The following PITPNM2 variants were observed in gnomAD, a reference collection of about 807,000 sequenced individuals.
The protein encoded by PITPNM2 is phosphatidylinositol transfer protein membrane associated 2.
PITPNM2 carries 35 observed loss-of-function variants against 132.2 expected under a neutral mutation model. The ratio of observed to expected loss-of-function variants is 0.26; its 90% confidence interval spans 0.20 to 0.35. The LOEUF (loss-of-function observed/expected upper bound fraction) is 0.35. Ranked by LOEUF, PITPNM2 falls within the 10% of genes least tolerant of loss-of-function variation. The pLI, the probability that PITPNM2 is intolerant of heterozygous loss-of-function variation, is 1.00. For synonymous variants in PITPNM2, 738 were observed against 799.2 expected (o/e 0.92, Z 1.29); for missense variants, 1,332 against 1,912.0 (o/e 0.70, Z 5.66).
At chr12:123,013,403 C>T (rs1484506913) in intron 4 of PITPNM2, among the ~76,000 whole-genome samples, 1 of 152,216 alleles carries the variant, frequency 6.6e-6, no homozygotes, top group Non-Finnish European at 1.5e-5. Context: ...GGATGTGGGA[C>T]AACACTGTCA....
chr12:123,032,244 C>T (rs1392589010), intron 3 of PITPNM2, among the ~76,000 whole-genome samples: 1 of 152,192 alleles, frequency 6.6e-6, no homozygotes, highest in Non-Finnish European at 1.5e-5. Flanking sequence ...TTTGGGAGGC[C>T]AAGGTGAGTG....
At chr12:123,012,843 G>A (rs2039265423) in intron 4 of PITPNM2, 109 bp from the exon 5 acceptor site, 4 of 1,446,080 alleles carry the variant, frequency 2.8e-6, no homozygotes, top group Non-Finnish European at 3.8e-6. Flanking sequence ...AGCGGGCATG[G>A]AAGGAGGGTG....
At chr12:123,019,288 G>A (rs1371072897) in intron 3 of PITPNM2, among the ~76,000 whole-genome samples, 1 of 152,216 alleles carries the variant, frequency 6.6e-6, no homozygotes, top group African/African-American at 2.4e-5. Context: ...GCTGAAGAAT[G>A]TTCTGTTGCT....
At chr12:123,019,709 A>C (rs2039592751) in intron 3 of PITPNM2, among the ~76,000 whole-genome samples, 1 of 152,252 alleles carries the variant, frequency 6.6e-6, no homozygotes, top group Non-Finnish European at 1.5e-5. Flanking sequence ...AGAGGAGTTC[A>C]CAGAAAGTAG....
chr12:123,119,929 C>T (rs1316837200), intron 1 of PITPNM2, among the ~76,000 whole-genome samples: 1 of 152,034 alleles, frequency 6.6e-6, no homozygotes, highest in African/African-American at 2.4e-5. Flanking sequence ...CATACGCTTG[C>T]CACCCACGTG....
At chr12:123,045,715 C>T (rs927173562) in intron 2 of PITPNM2, among the ~76,000 whole-genome samples, 1 of 152,230 alleles carries the variant, frequency 6.6e-6, no homozygotes, top group Non-Finnish European at 1.5e-5. Context: ...TCCAAAACAA[C>T]AGCTGGTATT....
chr12:123,088,744 G>C (rs1301353095), intron 2 of PITPNM2: 1 of 152,172 alleles, frequency 6.6e-6, no homozygotes, highest in African/African-American at 2.4e-5. Flanking sequence ...TGGGGGGAGA[G>C]GGACAAATAA....
chr12:123,040,510 CTT>C (rs1566262437), intron 2 of PITPNM2, among the ~76,000 whole-genome samples: 5 of 152,124 alleles, frequency 3.3e-5, no homozygotes, highest in African/African-American at 1.2e-4. Flanking sequence ...TTTTCAAAAG[CTT>C]TTCTCTCACC....
rs890704954 is a variant in PITPNM2 at position 122,994,339 on chromosome 12, A to G, written c.2233+462T>C. ...GCACAGGGCAGGGACTGCTGCTCCA[A>G]TGACGCCCAGCCGCTGGCCTGCCTG... On this transcript the variant is annotated intron_variant, in intron 15 of 25. Coordinates refer to ENST00000320201, the MANE Select transcript of PITPNM2 (RefSeq NM_020845.3). This position sits in a 1 kb window ranked among gnomAD's most constrained non-coding sequence, Gnocchi z 5.4. Among the ~76,000 whole-genome samples the G allele has an allele frequency of 2.0e-5, 3 of 152,218 alleles. No individual in the cohort carries two copies. Among genetic ancestry groups the G allele is most frequent in the African/African-American group, 7.2e-5 (3 of 41,458 alleles).
rs1594125118 is a variant in PITPNM2 at position 122,993,801 on chromosome 12, C to G, written c.2233+1000G>C. On this transcript the variant is annotated intron_variant, in intron 15 of 25. Coordinates refer to ENST00000320201, the MANE Select transcript of PITPNM2 (RefSeq NM_020845.3). This position sits in a 1 kb window ranked among gnomAD's most constrained non-coding sequence, Gnocchi z 5.2. ...CCCCTTAAAGCTACCCATTTCTCTT[C>G]CTGGCAGTGCTGAAGTCGCCAGTTT... Among the ~76,000 whole-genome samples the G allele has an allele frequency of 6.6e-6, 1 of 152,236 alleles. No individual in the cohort carries two copies. The highest frequency in any genetic ancestry group is 1.5e-5 in the Non-Finnish European group (1 of 68,034).
intron 2 of PITPNM2, among the ~76,000 whole-genome samples, chr12:123,072,879 C>T (rs2041656785): frequency 6.6e-6 from 1 of 152,240 alleles, no homozygotes; most frequent in African/African-American, 2.4e-5. Flanking sequence ...CTGTGGCCAC[C>T]AGGCAAGGGC....
intron 3 of PITPNM2, among the ~76,000 whole-genome samples, chr12:123,019,993 G>A (rs1488058098): frequency 7.2e-5 from 11 of 152,232 alleles, no homozygotes; most frequent in Non-Finnish European, 1.6e-4. Context: ...TCTAGAGGGA[G>A]CCCTGGAAGC....
In PITPNM2 at chr12:122,995,071, C is replaced by T. The variant is rs141456638; in HGVS notation, c.2055-92G>A. On this transcript the variant is annotated intron_variant, in intron 14 of 25. Coordinates refer to ENST00000320201, the MANE Select transcript of PITPNM2 (RefSeq NM_020845.3). ...GGTGGCAGCAGGTCCCAACCTCTCT[C>T]GGGGGCCCACTGGCTTCAGGACAGC... 6.9e-3 allele frequency: 9,354 copies of T among 1,361,560 alleles called. 43 individuals carry two copies. Among genetic ancestry groups the T allele is most frequent in the Non-Finnish European group, 7.9e-3 (8,049 of 1,023,042 alleles). The allele number at this position is 1,361,560 out of a possible 1,614,324, so 84.3% of individuals were successfully genotyped here.
rs1254976208 is a variant in PITPNM2, at chr12:123,078,221, A to G, written c.-96+32164T>C. ...AGAGCCCAAGGCGGGCGGAGGAGCC[A>G]TATGCCAGAGGGAAGGCATCAGCAG... On this transcript the variant is annotated intron_variant, in intron 2 of 25. Transcript: ENST00000320201. The surrounding 1 kb of genome is among the most constrained non-coding windows in gnomAD (Gnocchi z 7.3). Among the ~76,000 whole-genome samples the G allele has an allele frequency of 6.6e-6, 1 of 152,200 alleles. No homozygotes were observed. Among genetic ancestry groups the G allele is most frequent in the African/African-American group, 2.4e-5 (1 of 41,454 alleles).
chr12:123,110,465 G>A lies in PITPNM2; in HGVS notation c.-176C>T, dbSNP rs899187588. The stretch of plus-strand genomic sequence containing the variant: ...CCTAGGCTCACAGAAGGTTGTTGAG[G>A]ACCAGGACACACGTGCCAGCATCCT... On this transcript the variant is annotated 5_prime_UTR_variant, in exon 2 of 26. Coordinates refer to ENST00000320201, the MANE Select transcript of PITPNM2 (RefSeq NM_020845.3). The A allele has an allele frequency of 6.6e-6, 1 of 152,404 alleles. No homozygotes were observed. The highest frequency in any genetic ancestry group is 2.4e-5 in the African/African-American group (1 of 41,426). The allele number at this position is 152,404 out of a possible 1,614,324, so 9.4% of individuals were successfully genotyped here.
chr12:123,091,276 C>T (rs2042258384), intron 2 of PITPNM2: 1 of 152,242 alleles, frequency 6.6e-6, no homozygotes, highest in South Asian at 2.1e-4. Context: ...GCAGGTGCCA[C>T]CTCATGGGGT....
intron 1 of PITPNM2, among the ~76,000 whole-genome samples, chr12:123,149,157 G>T (rs2043677697): frequency 6.6e-6 from 1 of 152,172 alleles, no homozygotes; most frequent in Non-Finnish European, 1.5e-5. Context: ...TATGGGAAAA[G>T]CCAGGCCTGG....
intron 17 of PITPNM2, among the ~76,000 whole-genome samples, chr12:122,990,177 C>T (rs757236902): frequency 3.9e-5 from 6 of 152,364 alleles, no homozygotes; most frequent in Non-Finnish European, 5.9e-5. Context: ...CAGCACGGGG[C>T]GCAGCCCCTG....
At chr12:123,094,546 G>A (rs569599776) in intron 2 of PITPNM2, among the ~76,000 whole-genome samples, 1 of 152,238 alleles carries the variant, frequency 6.6e-6, no homozygotes, top group African/African-American at 2.4e-5. Flanking sequence ...CTCTGGGGAC[G>A]TTACCCAAAT....
Sources: gnomAD v4.1 joint callset for allele counts (sites outside exome capture counted in the v4.1 genomes callset) on GRCh38, gnomAD v4.1.1 for gene constraint, Gnocchi (gnomAD v3.1) non-coding constraint, MANE v1.5 for transcripts, NCBI Gene and HGNC (gene_info 2026-07-23, HGNC 2026-07-21) for gene names.